The following NOMO1 variants were observed in gnomAD, a reference collection of about 807,000 sequenced individuals.
NOMO1 encodes the protein NODAL modulator 1.
A neutral mutation model predicts 133.8 loss-of-function variants in NOMO1; 40 were observed. The observed-to-expected ratio is 0.30, with a 90% CI of 0.23 to 0.39. The LOEUF is 0.39. Ranked by LOEUF, NOMO1 falls within the 10% of genes least tolerant of loss-of-function variation. The pLI, the probability that NOMO1 is intolerant of heterozygous loss-of-function variation, is 1.00. For missense variants in NOMO1, 462 were observed against 1,419.9 expected, an observed-to-expected ratio of 0.33 and a Z score of 10.84; for synonymous variants, 236 against 570.5, an observed-to-expected ratio of 0.41 and a Z score of 8.36.
At chr16:14,877,474 C>G (rs1206346744) in intron 22 of NOMO1, among the ~76,000 whole-genome samples, 2 of 149,926 alleles carry the variant, frequency 1.3e-5, no homozygotes, top group African/African-American at 4.9e-5. Flanking sequence ...TTGCTGAATA[C>G]ATTTGGAACC....
At chr16:14,856,779 T>C (rs1316834484) in intron 9 of NOMO1, among the ~76,000 whole-genome samples, 1 of 151,780 alleles carries the variant, frequency 6.6e-6, no homozygotes, top group Non-Finnish European at 1.5e-5. Context: ...CGTGAGACCT[T>C]GCAGAGGTGG....
chr16:14,887,463 CT>C (rs879561214), intron 28 of NOMO1, among the ~76,000 whole-genome samples: 303 of 144,724 alleles, frequency 2.1e-3, no homozygotes, highest in Middle Eastern at 3.6e-3. Context: ...CCGGCTAATT[CT>C]TTTTTTTTTT....
At chr16:14,884,645 CT>C (rs1964295616) in intron 27 of NOMO1, among the ~76,000 whole-genome samples, 163 bp downstream of exon 27, 2 of 151,908 alleles carry the variant, frequency 1.3e-5, no homozygotes, top group African/African-American at 4.8e-5. Context: ...ATTTAAGAAC[CT>C]TGGACCACAA....
chr16:14,836,341 C>T (rs1963508348), intron 1 of NOMO1, among the ~76,000 whole-genome samples: 1 of 152,064 alleles, frequency 6.6e-6, no homozygotes, highest in South Asian at 2.1e-4. Context: ...TACATACAGG[C>T]TTAACCTTAT....
chr16:14,853,649 T>A, intron 8 of NOMO1, 45 bp downstream of exon 8: 3 of 1,611,512 alleles, frequency 1.9e-6, no homozygotes, highest in Non-Finnish European at 2.5e-6. Flanking sequence ...GAGACTCTCA[T>A]GACACAGTAA....
Position 14,833,827 on chromosome 16 carries a change from G to A in NOMO1, c.-25G>A. 1 of 513,688 alleles carries A rather than the reference G, an allele frequency of 1.9e-6. No homozygotes were observed. The highest frequency in any genetic ancestry group is 3.0e-6 in the Non-Finnish European group (1 of 334,438). The allele number at this position is 513,688 out of a possible 1,614,324, so 31.8% of individuals were successfully genotyped here. On this transcript the variant is annotated 5_prime_UTR_variant, in exon 1 of 31. Transcript: ENST00000287667. ...GGGGCGGGACCCGGCTGCCGGCGGT[G>A]GGTCTAGCTGGGGGAGGTCGGGCCA...
intron 4 of NOMO1, among the ~76,000 whole-genome samples, chr16:14,846,322 C>T (rs946197789): frequency 2.6e-5 from 4 of 151,246 alleles, no homozygotes; most frequent in South Asian, 4.2e-4. Flanking sequence ...CCACCACACC[C>T]GCCCAGACCA....
chr16:14,836,854 C>T (rs1156284208), intron 1 of NOMO1, among the ~76,000 whole-genome samples: 7 of 150,642 alleles, frequency 4.6e-5, no homozygotes, highest in East Asian at 3.9e-4. Flanking sequence ...TACAGGCGCC[C>T]GCCACCGCGC....
At chr16:14,874,444 G>A (rs1047518957) in intron 18 of NOMO1, among the ~76,000 whole-genome samples, 1 of 152,008 alleles carries the variant, frequency 6.6e-6, no homozygotes, top group Non-Finnish European at 1.5e-5. Context: ...GAGCTGCGTG[G>A]CGCATTCTCT....
At chr16:14,839,389 T>C (rs1243979853) in intron 2 of NOMO1, among the ~76,000 whole-genome samples, 2 of 152,048 alleles carry the variant, frequency 1.3e-5, no homozygotes, top group South Asian at 2.1e-4. Flanking sequence ...TCCTAACAGA[T>C]TGCTTTCTAT....
intron 9 of NOMO1, among the ~76,000 whole-genome samples, chr16:14,856,363 A>G (rs897732687): frequency 1.3e-5 from 2 of 151,976 alleles, no homozygotes; most frequent in Admixed American, 6.6e-5. Flanking sequence ...ACACAGACAC[A>G]TGGAGCATGG....
intron 9 of NOMO1, among the ~76,000 whole-genome samples, chr16:14,856,650 G>C (rs897701626): frequency 4.6e-5 from 7 of 151,978 alleles, no homozygotes; most frequent in African/African-American, 7.3e-5. Flanking sequence ...GACCTCAAGT[G>C]ATCTGCCTGC....
chr16:14,867,163 TATATATATA>T (rs1964010546), intron 15 of NOMO1, among the ~76,000 whole-genome samples: 4 of 23,144 alleles, frequency 1.7e-4, no homozygotes, highest in African/African-American at 4.3e-4. Flanking sequence ...TATATATATA[TATATATATA>T]TATATTTTTT....
chr16:14,843,715 TTGTGTGTGTG>T (rs59391735), intron 3 of NOMO1, among the ~76,000 whole-genome samples: 1 of 125,928 alleles, frequency 7.9e-6, no homozygotes. Flanking sequence ...ATTGGAGTCT[TTGTGTGTGTG>T]TGTGTGTGTG....
Position 14,876,400 on chromosome 16 carries a change from G to A in NOMO1, c.2398G>A (p.Gly800Ser). ...GCTGATCGAGATCCATGGGAAGGCA[G>A]GCCTGTTTTTAGAAGGCCAGATCCA... ...GKLIEIHGKA[G>S]LFLEGQIHPE... The change falls in exon 21 of 31, where the codon GGC (glycine) becomes AGC (serine). Residue 800 changes from glycine to serine, a missense_variant. Physicochemically the swap from Gly to Ser is moderately conservative, Grantham distance 56. Transcript: ENST00000287667. 1.9e-6 allele frequency: 3 copies of A among 1,611,270 alleles called. No individual in the cohort carries two copies. Among genetic ancestry groups the A allele is most frequent in the Non-Finnish European group, 2.5e-6 (3 of 1,179,752 alleles).
intron 4 of NOMO1, among the ~76,000 whole-genome samples, chr16:14,845,098 T>G (rs1230990410): frequency 6.6e-6 from 1 of 151,914 alleles, no homozygotes; most frequent in Non-Finnish European, 1.5e-5. Context: ...CTTGACTCAC[T>G]GCAGCCTCCA....
At chr16:14,836,721 C>T (rs1176489724) in intron 1 of NOMO1, among the ~76,000 whole-genome samples, 16 of 122,276 alleles carry the variant, frequency 1.3e-4, no homozygotes, top group Middle Eastern at 5.6e-3. Context: ...TTTTTTGAGA[C>T]GGAGTCTCGC....
At chr16:14,846,286 C>A (rs1963680283) in intron 4 of NOMO1, among the ~76,000 whole-genome samples, 1 of 151,256 alleles carries the variant, frequency 6.6e-6, no homozygotes, top group South Asian at 2.1e-4. Flanking sequence ...CTCAGCCTCC[C>A]AAAGTGCTAG....
intron 11 of NOMO1, among the ~76,000 whole-genome samples, chr16:14,860,185 G>A (rs1166643129): frequency 6.6e-6 from 1 of 151,888 alleles, no homozygotes; most frequent in Non-Finnish European, 1.5e-5. Flanking sequence ...CTGGCCGCAT[G>A]GTGAAACCCG....
Sources: allele counts gnomAD v4.1 joint callset (sites outside exome capture counted in the v4.1 genomes callset), GRCh38; gene constraint gnomAD v4.1.1; transcripts MANE v1.5; gene names NCBI Gene and HGNC (gene_info 2026-07-23, HGNC 2026-07-21).